CLTC: variants seen among roughly 807,000 people sequenced by gnomAD.
CLTC encodes the protein clathrin heavy chain 1.
CLTC carries 16 observed loss-of-function variants against 195.8 expected under a neutral mutation model. The ratio of observed to expected loss-of-function variants is 0.08; its 90% confidence interval spans 0.06 to 0.12. The LOEUF (loss-of-function observed/expected upper bound fraction) is 0.12, where lower values mean the gene tolerates loss of function less well. CLTC is among the 10% of genes least tolerant of loss of function. The pLI is 1.00. For synonymous variants in CLTC, 667 were observed against 689.4 expected (o/e 0.97, Z 0.51); for missense variants, 796 against 2,027.0 (o/e 0.39, Z 11.66).
At chr17:59,658,334 C>T (rs776861588) in intron 6 of CLTC, among the ~76,000 whole-genome samples, 20 of 152,166 alleles carry the variant, frequency 1.3e-4, no homozygotes, top group Non-Finnish European at 2.9e-5. Context: ...CACCACGCCT[C>T]GCCACTTTTT....
At chr17:59,673,604 A>C in intron 14 of CLTC, 43 bp from the exon 15 acceptor site, 1 of 1,510,820 alleles carries the variant, frequency 6.6e-7, no homozygotes, top group Non-Finnish European at 9.2e-7. Context: ...TTGATACCTC[A>C]TAGAAGAAAT....
At chr17:59,644,546 T>TTTTTTTG in intron 2 of CLTC, 63 bp downstream of exon 2, 4 of 933,978 alleles carry the variant, frequency 4.3e-6, no homozygotes, top group East Asian at 3.1e-5. Context: ...TTTGTTTTTT[T>TTTTTTTG]TTTGTTTGTT....
In CLTC at chr17:59,660,555, G is replaced by C; in HGVS notation, c.1134G>C (p.Ser378=). 6.2e-7 allele frequency: 1 copy of C among 1,614,070 alleles called. No individual in the cohort carries two copies. Among genetic ancestry groups the C allele is most frequent in the Non-Finnish European group, 8.5e-7 (1 of 1,179,990 alleles). The part of the protein sequence containing the change: ...FNALFAQGNY[S]EAAKVAANAP... ...CTCTTTTTGCCCAGGGAAATTACTC[G>C]GAGGCAGCAAAGGTGGCTGCTAATG... is the stretch of plus-strand genomic sequence containing the variant. Residue 378 remains serine (S), a synonymous_variant, in exon 7 of 32, where the codon TCG becomes TCC. Transcript: ENST00000269122.
chr17:59,681,899 T>TAG lies in CLTC; in HGVS notation c.3442+61_3442+62insGA. The TAG allele has an allele frequency of 7.1e-7, 1 of 1,411,202 alleles. No individual in the cohort carries two copies. The highest frequency in any genetic ancestry group is 9.7e-7 in the Non-Finnish European group (1 of 1,033,586). The allele number at this position is 1,411,202 out of a possible 1,614,324, so 87.4% of individuals were successfully genotyped here. A position where few individuals can be genotyped will look rare whatever the true frequency, so the allele number is the denominator to read the frequency against. Reference sequence around the variant, plus strand: ...AAAATGATTAAGCTAAGCATTAAGATATCTGTCTATTCTGAATTTTAGAAG... The same window carrying TAG: ...AAAATGATTAAGCTAAGCATTAAGATAGATCTGTCTATTCTGAATTTTAGAAG... On this transcript the variant is annotated intron_variant, in intron 21 of 31. Transcript: ENST00000269122. The surrounding 1 kb of genome is among the most constrained non-coding windows in gnomAD (Gnocchi z 5.0).
chr17:59,659,617 A>T (rs1232127515), intron 6 of CLTC, among the ~76,000 whole-genome samples: 1 of 150,738 alleles, frequency 6.6e-6, no homozygotes, highest in African/African-American at 2.4e-5. Context: ...GCTAATTTTT[A>T]TATTTTTTTT....
At chr17:59,688,992 A>G (rs1312683634) in intron 30 of CLTC, among the ~76,000 whole-genome samples, 3 of 152,200 alleles carry the variant, frequency 2.0e-5, no homozygotes, top group Non-Finnish European at 2.9e-5. Flanking sequence ...TTTAAGTTCT[A>G]TAACTAATAA....
At chr17:59,647,347 A>G in intron 2 of CLTC, 51 bp from the exon 3 acceptor site, 1 of 1,449,170 alleles carries the variant, frequency 6.9e-7, no homozygotes. Flanking sequence ...GTAGGTATTC[A>G]TTCTAAACTT....
intron 1 of CLTC, among the ~76,000 whole-genome samples, chr17:59,622,800 T>C (rs935673126): frequency 1.3e-5 from 2 of 152,340 alleles, no homozygotes; most frequent in Non-Finnish European, 2.9e-5. Flanking sequence ...GGAACTTAAG[T>C]GTGAGTGTAG....
intron 30 of CLTC, chr17:59,690,359 C>T: frequency 3.2e-6 from 1 of 315,322 alleles, no homozygotes; most frequent in Non-Finnish European, 5.8e-6. Flanking sequence ...TTTTCTCCCT[C>T]CCTCAGGCTG....
At chr17:59,687,394 A>C (rs900489663) in intron 30 of CLTC, among the ~76,000 whole-genome samples, 7 of 152,098 alleles carry the variant, frequency 4.6e-5, no homozygotes, top group Admixed American at 2.6e-4. Context: ...CCTTGAAGTA[A>C]ATTAAAACAG....
chr17:59,682,246 A>G lies in CLTC; in HGVS notation c.3443-25A>G, dbSNP rs1437905589. ...TAAACTAGGATGTTAGTGTTTGGATATATTTTTTCTTTTTCTATACTTAGG... is the reference window on the plus strand; with the variant it reads ...TAAACTAGGATGTTAGTGTTTGGATGTATTTTTTCTTTTTCTATACTTAGG... On this transcript the variant is annotated intron_variant, in intron 21 of 31. Coordinates refer to ENST00000269122, the MANE Select transcript of CLTC (RefSeq NM_004859.4). This position sits in a 1 kb window ranked among gnomAD's most constrained non-coding sequence, Gnocchi z 6.8. 3.1e-6 allele frequency: 5 copies of G among 1,596,768 alleles called. No homozygotes were observed. The highest frequency in any genetic ancestry group is 2.2e-5 in the East Asian group (1 of 44,710).
In CLTC at chr17:59,681,194, T is replaced by G; in HGVS notation, c.3066-101T>G. 1 of 1,449,062 alleles carries G rather than the reference T, an allele frequency of 6.9e-7. No individual in the cohort carries two copies. The highest frequency in any genetic ancestry group is 1.3e-5 in the South Asian group (1 of 75,134). The allele number at this position is 1,449,062 out of a possible 1,614,324, so 89.8% of individuals were successfully genotyped here. A position where few individuals can be genotyped will look rare whatever the true frequency, so the allele number is the denominator to read the frequency against. ...TCTTCTAATATCCTCCCCCCTACCC[T>G]ACCTCTTGAGACAAAAACCTCTCCG... On this transcript the variant is annotated intron_variant, in intron 19 of 31. Coordinates refer to ENST00000269122, the MANE Select transcript of CLTC (RefSeq NM_004859.4). This position sits in a 1 kb window ranked among gnomAD's most constrained non-coding sequence, Gnocchi z 5.0.
At chr17:59,675,285 C>T (rs1450043644) in intron 16 of CLTC, among the ~76,000 whole-genome samples, 1 of 152,008 alleles carries the variant, frequency 6.6e-6, no homozygotes, top group Non-Finnish European at 1.5e-5. Context: ...CTCTTGAGTT[C>T]AATTGATATT....
chr17:59,641,288 G>A (rs1168917466), intron 1 of CLTC, among the ~76,000 whole-genome samples: 1 of 151,856 alleles, frequency 6.6e-6, no homozygotes, highest in Non-Finnish European at 1.5e-5. Flanking sequence ...AGGGAGAGAG[G>A]AAAAGAAGGA....
chr17:59,647,681 A>C lies in CLTC; in HGVS notation c.519+15A>C. 1 of 1,608,462 alleles carries C rather than the reference A, an allele frequency of 6.2e-7. No individual in the cohort carries two copies. The highest frequency in any genetic ancestry group is 8.5e-7 in the Non-Finnish European group (1 of 1,175,650). On this transcript the variant is annotated intron_variant, in intron 3 of 31. Transcript: ENST00000269122. ...TATCTGCACAGGTAACATTTTAACT[A>C]TTTTTTTATGAAGAAGAGGTTTAGA... is the stretch of plus-strand genomic sequence containing the variant.
At chr17:59,665,907 G>A (rs1266775678) in intron 10 of CLTC, among the ~76,000 whole-genome samples, 196 bp from the exon 11 acceptor site, 3 of 152,122 alleles carry the variant, frequency 2.0e-5, no homozygotes, top group African/African-American at 4.8e-5. Context: ...CTGCTGTTAT[G>A]TAATATCTTG....
Position 59,683,036 on chromosome 17 carries a change from G to T in CLTC, c.3873+22G>T. 1 of 1,613,464 alleles carries T rather than the reference G, an allele frequency of 6.2e-7. No individual in the cohort carries two copies. Among genetic ancestry groups the T allele is most frequent in the South Asian group, 1.1e-5 (1 of 91,026 alleles). On this transcript the variant is annotated intron_variant, in intron 24 of 31. Coordinates refer to ENST00000269122, the MANE Select transcript of CLTC (RefSeq NM_004859.4). This position sits in a 1 kb window ranked among gnomAD's most constrained non-coding sequence, Gnocchi z 6.1. ...TCAGGTATTAACGAGACTTTTATAT[G>T]ACCTGAGATCTTTTACCATAGATAT...
At chr17:59,680,873 C>T in intron 18 of CLTC, 39 bp from the exon 19 acceptor site, 1 of 1,502,718 alleles carries the variant, frequency 6.7e-7, no homozygotes, top group Non-Finnish European at 8.9e-7. Flanking sequence ...TTAAAACCAA[C>T]TTGATTCTCA....
At chr17:59,651,062 G>A (rs948139580) in intron 4 of CLTC, 141 bp from the exon 5 acceptor site, 1 of 531,628 alleles carries the variant, frequency 1.9e-6, no homozygotes, top group East Asian at 3.0e-5. Flanking sequence ...AGTATTCCAT[G>A]GTATGGATGT....
Sources: allele counts gnomAD v4.1 joint callset (sites outside exome capture counted in the v4.1 genomes callset), GRCh38; gene constraint gnomAD v4.1.1; non-coding constraint Gnocchi (gnomAD v3.1); transcripts MANE v1.5; gene names NCBI Gene and HGNC (gene_info 2026-07-23, HGNC 2026-07-21).